MGAM: variants seen among roughly 807,000 people sequenced by gnomAD.
MGAM encodes the protein maltase-glucoamylase.
MGAM carries 253 observed loss-of-function variants against 358.8 expected under a neutral mutation model. The observed-to-expected ratio is 0.71, with a 90% confidence interval of 0.64 to 0.78. MGAM has a LOEUF of 0.78. Ranked by LOEUF, MGAM falls within the 30% of genes least tolerant of loss-of-function variation. MGAM has a pLI of 0.00. For synonymous variants in MGAM, 1,105 were observed against 1,227.1 expected (o/e 0.90, Z 2.08); for missense variants, 3,080 against 3,432.6 (o/e 0.90, Z 2.57).
At chr7:142,036,106 G>A (rs1554465679) in intron 16 of MGAM, 63 bp from the exon 17 acceptor site, 1 of 1,242,900 alleles carries the variant, frequency 8.0e-7, no homozygotes, top group African/African-American at 1.5e-5. Flanking sequence ...GGTCCCTGGT[G>A]GAAAGCAAAG....
At chr7:142,090,312 T>A (rs1329407020) in intron 57 of MGAM, among the ~76,000 whole-genome samples, 2 of 145,726 alleles carry the variant, frequency 1.4e-5, no homozygotes, top group East Asian at 4.0e-4. Context: ...GATACAATTC[T>A]GACTCAGCTG....
At chr7:142,034,494 C>A (rs1807803165) in intron 15 of MGAM, 115 bp downstream of exon 15, 1 of 994,506 alleles carries the variant, frequency 1.0e-6, no homozygotes, top group Non-Finnish European at 1.5e-6. Context: ...CAAAACAAAG[C>A]AAAACAAAAC....
upstream of MGAM, among the ~76,000 whole-genome samples, chr7:141,993,443 T>A (rs1804029804): frequency 6.6e-6 from 1 of 152,248 alleles, no homozygotes; most frequent in Non-Finnish European, 1.5e-5. Context: ...TCTGTCAAAT[T>A]GTAATGCAAG....
intron 57 of MGAM, among the ~76,000 whole-genome samples, chr7:142,088,656 G>GTCTGTCTA (rs1554491563): frequency 4.0e-5 from 5 of 125,746 alleles, no homozygotes; most frequent in Non-Finnish European, 7.1e-5. Flanking sequence ...CTATCTGTCT[G>GTCTGTCTA]TCTATCTATC....
In MGAM at chr7:142,093,561, G is replaced by C. The variant is rs748814680; in HGVS notation, c.7172+11G>C. 40 of 1,495,654 alleles carry C rather than the reference G, an allele frequency of 2.7e-5. 7 individuals carry two copies. Among genetic ancestry groups the C allele is most frequent in the Non-Finnish European group, 3.4e-5 (37 of 1,101,188 alleles). 92.6% of individuals were successfully genotyped at this position (1,495,654 alleles called of 1,614,324 possible). On this transcript the variant is annotated intron_variant, in intron 60 of 70. Transcript: ENST00000475668. ...CAGACCCACATACGAGTGAGTCTCT[G>C]TCTCCCTTCTCCAGCTGTCACAACC... is the stretch of plus-strand genomic sequence containing the variant.
intron 21 of MGAM, among the ~76,000 whole-genome samples, chr7:142,047,524 A>G (rs995289568): frequency 6.6e-6 from 1 of 152,042 alleles, no homozygotes; most frequent in African/African-American, 2.4e-5. Flanking sequence ...CTTTTATTTG[A>G]GTTATTGCAG....
intron 62 of MGAM, 34 bp from the exon 63 acceptor site, chr7:142,094,713 A>T (rs771525540): frequency 3.1e-6 from 5 of 1,613,062 alleles, no homozygotes; most frequent in African/African-American, 1.3e-5. Flanking sequence ...TTCAGAAATC[A>T]TCAGCAGGCT....
At chr7:142,105,293 A>T (rs1400108854) in intron 70 of MGAM, among the ~76,000 whole-genome samples, 2 of 148,056 alleles carry the variant, frequency 1.4e-5, no homozygotes, top group South Asian at 2.1e-4. Flanking sequence ...CATATTGAAC[A>T]TTTTTTTTTT....
intron 2 of MGAM, among the ~76,000 whole-genome samples, chr7:141,987,806 G>A (rs1554446494): frequency 6.6e-6 from 1 of 152,174 alleles, no homozygotes; most frequent in Non-Finnish European, 1.5e-5. Context: ...TGTATTTACT[G>A]CTTTCAAACC....
At position 141,988,732 on chromosome 7, in the gene MGAM, G is replaced by A. The variant is rs535200180; in HGVS notation, c.-2-16797G>A. Among the ~76,000 whole-genome samples the A allele has an allele frequency of 4.4e-4, 67 of 152,312 alleles. 1 individual carries two copies. Among genetic ancestry groups the A allele is most frequent in the Middle Eastern group, 6.8e-3 (2 of 294 alleles). ...TAAAATTCTCTCTGTACTCATACTTGTGTGTGCATGTGTTCTTATCTGTGG... is the reference window on the plus strand; with the variant it reads ...TAAAATTCTCTCTGTACTCATACTTATGTGTGCATGTGTTCTTATCTGTGG... On this transcript the variant is annotated intron_variant, in intron 2 of 5. Coordinates refer to the MGAM transcript ENST00000465654.
intron 1 of MGAM, chr7:142,004,592 T>C (rs1459166561): frequency 6.6e-6 from 1 of 152,012 alleles, no homozygotes; most frequent in African/African-American, 2.4e-5. Flanking sequence ...ATGTACACTA[T>C]TTGGGTGATT....
chr7:142,050,126 A>G (rs942929655), intron 22 of MGAM, 109 bp from the exon 23 acceptor site: 5 of 1,003,280 alleles, frequency 5.0e-6, no homozygotes, highest in Non-Finnish European at 7.8e-6. Flanking sequence ...AAGGAAAAGG[A>G]AAACTGCTAT....
chr7:141,996,279 T>G (rs116359423), intron 1 of MGAM, among the ~76,000 whole-genome samples: 7,739 of 151,214 alleles, frequency 0.051, 227 homozygotes, highest in Middle Eastern at 0.097. Context: ...CCAGCCTGGG[T>G]CGTAGAGCGA....
rs1171364801 is a variant in MGAM at position 142,045,144 on chromosome 7, ATC to A, written c.2499-2640_2499-2639del. On this transcript the variant is annotated intron_variant, in intron 21 of 70. Transcript: ENST00000475668. ...ATGATATATAATATGTATATTATAT[ATC>A]ATATATGTGATATATAATATATATA... Among the ~76,000 whole-genome samples the A allele has an allele frequency of 2.6e-3, 205 of 80,334 alleles. 9 individuals are homozygous for A. The highest frequency in any genetic ancestry group is 4.6e-3 in the Admixed American group (24 of 5,172). 52.7% of individuals were successfully genotyped at this position (80,334 alleles called of 152,430 possible). A position where few individuals can be genotyped will look rare whatever the true frequency, so the allele number is the denominator to read the frequency against.
At chr7:142,100,733 G>A in intron 67 of MGAM, 69 bp from the exon 68 acceptor site, 1 of 1,327,506 alleles carries the variant, frequency 7.5e-7, no homozygotes, top group Non-Finnish European at 1.1e-6. Context: ...CTTTATGTTT[G>A]TATGTAAAGT....
chr7:142,048,260 C>G (rs570596507), intron 22 of MGAM, among the ~76,000 whole-genome samples: 14 of 151,502 alleles, frequency 9.2e-5, no homozygotes, highest in Non-Finnish European at 1.8e-4. Context: ...TCAAGTGATT[C>G]TTCTGTCTCA....
At position 142,030,494 on chromosome 7, in the gene MGAM, G is replaced by A. The variant is rs891358554; in HGVS notation, c.1353+1G>A. 1 of 1,613,512 alleles carries A rather than the reference G, an allele frequency of 6.2e-7. No individual in the cohort carries two copies. Among genetic ancestry groups the A allele is most frequent in the Non-Finnish European group, 8.5e-7 (1 of 1,179,668 alleles). On this transcript the variant is annotated splice_donor_variant, in intron 11 of 70. Transcript: ENST00000475668. LOFTEE classifies it high-confidence loss of function. Reference sequence around the variant, plus strand: ...TGGACAGAAGCTTGTCATCATTGTGGTATGTACTGCCCTCTTTCCACCAAA... The same window carrying A: ...TGGACAGAAGCTTGTCATCATTGTGATATGTACTGCCCTCTTTCCACCAAA...
In MGAM at chr7:142,055,693, T is replaced by C. The variant is rs373973002; in HGVS notation, c.3450T>C (p.Thr1150=). 8 of 1,613,898 alleles carry C rather than the reference T, an allele frequency of 5.0e-6. No homozygotes were observed. Among genetic ancestry groups the C allele is most frequent in the Non-Finnish European group, 6.8e-6 (8 of 1,179,852 alleles). Residue 1150 remains threonine, a synonymous_variant, in exon 28 of 71, where the codon ACT becomes ACC. Transcript: ENST00000475668. ...ATAGGAGAGACTTGGAGTGGCACAC[T>C]TGGGGGATGTTCTCCCGAGACCAGC... ...RSYRRDLEWH[T]WGMFSRDQPP...
At position 142,030,366 on chromosome 7, in the gene MGAM, T is replaced by C; in HGVS notation, c.1226T>C (p.Val409Ala). Reference sequence around the variant, plus strand: ...GGACTTTGTATATTCTTTCAGGATGTTCAGCATGCTGATATTGATTATATG... The same window carrying C: ...GGACTTTGTATATTCTTTCAGGATGCTCAGCATGCTGATATTGATTATATG... Reference protein sequence around the residue: ...RNRAAQLPYDVQHADIDYMDE... With the variant: ...RNRAAQLPYDAQHADIDYMDE... Residue 409 changes from valine (V) to alanine (A), a missense_variant, in exon 11 of 71, where the codon GTT (valine) becomes GCT (alanine). Transcript: ENST00000475668. 6.2e-7 allele frequency: 1 copy of C among 1,612,874 alleles called. No homozygotes were observed.
Sources: gnomAD v4.1 joint callset for allele counts (sites outside exome capture counted in the v4.1 genomes callset) on GRCh38, gnomAD v4.1.1 for gene constraint, MANE v1.5 for transcripts, NCBI Gene and HGNC (gene_info 2026-07-23, HGNC 2026-07-21) for gene names.